PCDH15: variants seen among roughly 807,000 people sequenced by gnomAD.
PCDH15 encodes protocadherin-15.
Under a neutral mutation model 178.5 loss-of-function variants are expected in PCDH15, and 129 were observed. The observed-to-expected ratio is 0.72, with a 90% CI of 0.63 to 0.84. The LOEUF is 0.84. Among genes scored for constraint, PCDH15 ranks in the 40% least tolerant of loss-of-function variants. The probability of loss-of-function intolerance (pLI) is 0.00; values close to 1 mark genes in which losing one functional copy is unlikely to be tolerated. For missense variants in PCDH15, 2,230 were observed against 2,099.9 expected, an observed-to-expected ratio of 1.06 and a Z score of -1.21; for synonymous variants, 800 against 732.0, an observed-to-expected ratio of 1.09 and a Z score of -1.50.
intron 3 of PCDH15, among the ~76,000 whole-genome samples, chr10:54,887,448 C>G (rs1954379013): frequency 6.6e-6 from 1 of 152,000 alleles, no homozygotes; most frequent in South Asian, 2.1e-4. Flanking sequence ...CGTTCTCACC[C>G]TAAATTAACT....
At chr10:55,298,725 C>T (rs1342276900) in intron 1 of PCDH15, among the ~76,000 whole-genome samples, 3 of 152,008 alleles carry the variant, frequency 2.0e-5, no homozygotes, top group African/African-American at 4.8e-5. Flanking sequence ...GGACTACCAG[C>T]GTGTGCCACC....
At chr10:54,969,675 T>C (rs757442013) in intron 2 of PCDH15, among the ~76,000 whole-genome samples, 2 of 152,212 alleles carry the variant, frequency 1.3e-5, no homozygotes, top group Non-Finnish European at 2.9e-5. Context: ...AACTCAGAGA[T>C]ACCTTCATGC....
chr10:54,544,386 C>T (rs2085605559), intron 2 of PCDH15, among the ~76,000 whole-genome samples: 1 of 151,954 alleles, frequency 6.6e-6, no homozygotes, highest in Non-Finnish European at 1.5e-5. Context: ...ATTTTACCAC[C>T]CTTGACATTT....
At chr10:55,056,174 C>A (rs965973175) in intron 2 of PCDH15, among the ~76,000 whole-genome samples, 5 of 152,118 alleles carry the variant, frequency 3.3e-5, no homozygotes, top group African/African-American at 1.2e-4. Context: ...CTTAAAGACC[C>A]TCTATTAACT....
intron 13 of PCDH15, among the ~76,000 whole-genome samples, chr10:54,180,316 A>G (rs764640538): frequency 8.5e-5 from 13 of 152,198 alleles, no homozygotes; most frequent in Non-Finnish European, 1.3e-4. Flanking sequence ...TTAAAACTTT[A>G]TAACCAACTC....
chr10:54,547,990 T>A (rs2133113050), intron 2 of PCDH15, among the ~76,000 whole-genome samples: 1 of 151,566 alleles, frequency 6.6e-6, no homozygotes, highest in African/African-American at 2.4e-5. Context: ...ACTTGATATT[T>A]TATGTTTTTA....
Position 54,830,412 on chromosome 10 carries a change from T to C in PCDH15, c.-29+67038A>G, listed in dbSNP as rs554010202. Among the ~76,000 whole-genome samples, 27 of 152,152 alleles carry C rather than the reference T, an allele frequency of 1.8e-4. No individual in the cohort carries two copies. The East Asian group carries it at 5.0e-3, about 28-fold the overall frequency. Reference sequence around the variant, plus strand: ...TGGAATACTATGCCGCCATAAAAAATGATGAGTTCATGTCCTTTGTAGGGA... The same window carrying C: ...TGGAATACTATGCCGCCATAAAAAACGATGAGTTCATGTCCTTTGTAGGGA... On this transcript the variant is annotated intron_variant, in intron 3 of 5. Transcript: ENST00000458638.
rs2086651198 is a variant in PCDH15, at chr10:53,947,228, TATAA to T, written c.3123-6257_3123-6254del. Reference sequence around the variant, plus strand: ...TAAATGTTAGACCCAGTTTTTACCGTATAAATATAGATGAAACAATTACAATTTA... The same window carrying T: ...TAAATGTTAGACCCAGTTTTTACCGTATATAGATGAAACAATTACAATTTA... On this transcript the variant is annotated intron_variant, in intron 23 of 37. Transcript: ENST00000644397. Among the ~76,000 whole-genome samples the T allele has an allele frequency of 2.0e-5, 3 of 152,208 alleles. No individual in the cohort carries two copies. In the South Asian group the frequency reaches 6.2e-4, roughly 31 times the overall value.
chr10:53,827,240 A>T, intron 32 of PCDH15, 153 bp downstream of exon 32: 2 of 1,157,010 alleles, frequency 1.7e-6, no homozygotes, highest in Non-Finnish European at 2.3e-6. Flanking sequence ...AACCTTTCTT[A>T]GATTTTCGTC....
At position 54,730,851 on chromosome 10, in the gene PCDH15, TTTTC is replaced by T. The variant is rs1462663808; in HGVS notation, c.-28-66565_-28-66562del. 5.3e-5 allele frequency among the ~76,000 whole-genome samples: 8 copies of T among 150,342 alleles called. No homozygotes were observed. The East Asian group carries it at 1.6e-3, about 30-fold the overall frequency. ...TAACGACACTGGTCTATGTAAAGAG[TTTTC>T]TTTGTGTGTGTAATATCTCAAAAGC... On this transcript the variant is annotated intron_variant, in intron 1 of 37. Coordinates refer to ENST00000644397, the MANE Select transcript of PCDH15 (RefSeq NM_001384140.1).
At chr10:55,221,098 A>G (rs1271896917) in intron 1 of PCDH15, among the ~76,000 whole-genome samples, 1 of 152,110 alleles carries the variant, frequency 6.6e-6, no homozygotes, top group Admixed American at 6.5e-5. Flanking sequence ...ACTCATGACA[A>G]CATGAATGGA....
chr10:53,903,451 C>CT (rs1198227456), intron 25 of PCDH15, 81 bp from the exon 26 acceptor site: 214 of 1,502,214 alleles, frequency 1.4e-4, no homozygotes, highest in Non-Finnish European at 1.5e-4. Flanking sequence ...ATTTGCTGCA[C>CT]TTTTTTTTGG....
rs149480405 is a variant in PCDH15, at chr10:55,176,618, T to C, written c.-155-9967A>G. On this transcript the variant is annotated intron_variant, in intron 1 of 5. Transcript: ENST00000458638. ...CAACAACCCTTGTAATGCCCTGATA[T>C]TGAGGGTACAGAAACCCAATAAGAA... is the stretch of plus-strand genomic sequence containing the variant. 3.2e-3 allele frequency among the ~76,000 whole-genome samples: 488 copies of C among 152,270 alleles called. 2 individuals are homozygous for C. The highest frequency in any genetic ancestry group is 6.8e-3 in the Middle Eastern group (2 of 294).
At chr10:54,804,948 T>TATATATATATATATATATATATATACAC (rs905516559), upstream of PCDH15, among the ~76,000 whole-genome samples, 6 of 127,244 alleles carry the variant, frequency 4.7e-5, no homozygotes, top group South Asian at 7.5e-4. Context: ...TATATATATA[T>TATATATATATATATATATATATATACAC]ACAGAGTTTG....
At chr10:53,970,930 C>T (rs1400424695) in intron 21 of PCDH15, among the ~76,000 whole-genome samples, 5 of 152,182 alleles carry the variant, frequency 3.3e-5, no homozygotes, top group African/African-American at 9.7e-5. Context: ...TCCTCCCTAA[C>T]TCATTTTATG....
intron 2 of PCDH15, among the ~76,000 whole-genome samples, chr10:55,402,317 G>A (rs893029589): frequency 5.3e-5 from 8 of 151,956 alleles, no homozygotes; most frequent in Non-Finnish European, 8.8e-5. Context: ...GATCAAGTCA[G>A]AGTATTTACA....
At chr10:55,339,135 G>A (rs1844482069) in intron 2 of PCDH15, among the ~76,000 whole-genome samples, 1 of 152,120 alleles carries the variant, frequency 6.6e-6, no homozygotes, top group Non-Finnish European at 1.5e-5. Flanking sequence ...TACTGAAAGA[G>A]TAGAATTGGA....
At chr10:55,282,362 T>G (rs1842756476) in intron 1 of PCDH15, among the ~76,000 whole-genome samples, 1 of 152,198 alleles carries the variant, frequency 6.6e-6, no homozygotes. Flanking sequence ...AGTTCAAATA[T>G]CATTCCTTGA....
At chr10:54,731,307 C>T (rs1486195495) in intron 1 of PCDH15, among the ~76,000 whole-genome samples, 1 of 150,342 alleles carries the variant, frequency 6.7e-6, no homozygotes, top group African/African-American at 2.4e-5. Flanking sequence ...CTTTGTACAC[C>T]GTTGGTAGGA....
Sources: allele counts gnomAD v4.1 joint callset (sites outside exome capture counted in the v4.1 genomes callset), GRCh38; gene constraint gnomAD v4.1.1; transcripts MANE v1.5; gene names NCBI Gene and HGNC (gene_info 2026-07-23, HGNC 2026-07-21).